Variants in LAMA1 observed in about 807,000 individuals in gnomAD.
LAMA1 encodes the protein laminin subunit alpha-1.
LAMA1 carries 219 observed loss-of-function variants against 348.7 expected under a neutral mutation model. The observed-to-expected ratio is 0.63, with a 90% CI of 0.56 to 0.70. The LOEUF (loss-of-function observed/expected upper bound fraction) is 0.70. Among genes scored for constraint, LAMA1 ranks in the 30% least tolerant of loss-of-function variants. LAMA1 has a pLI of 0.00. For missense variants in LAMA1, 3,744 were observed against 3,888.0 expected, an observed-to-expected ratio of 0.96 and a Z score of 0.99; for synonymous variants, 1,487 against 1,491.0, an observed-to-expected ratio of 1.00 and a Z score of 0.06.
Position 7,007,184 on chromosome 18 carries a change from G to A in LAMA1, c.4215C>T (p.Cys1405=), listed in dbSNP as rs758116385. 6.2e-7 allele frequency: 1 copy of A among 1,614,036 alleles called. No individual in the cohort carries two copies. The highest frequency in any genetic ancestry group is 8.5e-7 in the Non-Finnish European group (1 of 1,180,046). ...GGTCACAGGTGTCACTGTGGTTGTT[G>A]CAACTGCAGGGAACACAAGGAGCAA... ...PLVAPCVPCS[C]NNHSDTCDPN... is the part of the protein sequence containing the mutation. Residue 1405 remains cysteine, a synonymous_variant, in exon 29 of 63, where the codon TGC becomes TGT. Coordinates refer to ENST00000389658, the MANE Select transcript of LAMA1 (RefSeq NM_005559.4).
chr18:6,981,317 G>C (rs1396478383), intron 41 of LAMA1, among the ~76,000 whole-genome samples: 1 of 152,074 alleles, frequency 6.6e-6, no homozygotes, highest in South Asian at 2.1e-4. Context: ...TTCTCCTCTG[G>C]GTTGTAAAAC....
At position 6,950,902 on chromosome 18, in the gene LAMA1, G is replaced by C; in HGVS notation, c.8277C>G (p.Asn2759Lys). The C allele has an allele frequency of 6.2e-7, 1 of 1,614,174 alleles. No homozygotes were observed. The highest frequency in any genetic ancestry group is 1.1e-5 in the South Asian group (1 of 91,090). ...SGLIYYMAHQ[N>K]QADYAVLQLH... is the part of the protein sequence containing the mutation. ...GCTGGAGCACAGCGTAGTCTGCTTG[G>C]TTCTGATGAGCCATGTAGTAAATCA... Residue 2759 changes from asparagine (N) to lysine (K), a missense_variant, in exon 58 of 63, where the codon AAC becomes AAG. Coordinates refer to ENST00000389658, the MANE Select transcript of LAMA1 (RefSeq NM_005559.4).
intron 1 of LAMA1, among the ~76,000 whole-genome samples, chr18:7,098,694 A>C (rs1348549004): frequency 7.5e-5 from 11 of 147,124 alleles, no homozygotes; most frequent in East Asian, 6.3e-4. Context: ...TCCGCCCGGC[A>C]GCCACCCCAT....
rs1455070915 is a variant in LAMA1 at position 6,999,990 on chromosome 18, G to A, written c.4390C>T (p.Pro1464Ser). Residue 1464 changes from proline to serine, a missense_variant, in exon 31 of 63, where the codon CCC becomes TCC. Around this residue, in one of 3 missense-constraint regions of LAMA1, gnomAD observed 1,983 missense variants for 1,934.3 expected, o/e 1.03. Coordinates refer to ENST00000389658, the MANE Select transcript of LAMA1 (RefSeq NM_005559.4). ...TGGTCCCCTTCCAAGACACAAGTGG[G>A]ACTAAAACTGGAGGAAAAGAATTTC... is the stretch of plus-strand genomic sequence containing the variant. ...CPHSPPASFS[P>S]TCVLEGDHDF... 1.2e-6 allele frequency: 2 copies of A among 1,612,038 alleles called. No homozygotes were observed. Among genetic ancestry groups the A allele is most frequent in the Non-Finnish European group, 1.7e-6 (2 of 1,178,288 alleles).
intron 42 of LAMA1, among the ~76,000 whole-genome samples, chr18:6,979,208 T>C (rs1007634803): frequency 4.0e-5 from 6 of 151,808 alleles, no homozygotes; most frequent in Non-Finnish European, 7.4e-5. Context: ...AAAAAAAAAA[T>C]CTTCCGGATC....
chr18:7,053,780 ATTT>A (rs371341214), intron 3 of LAMA1, among the ~76,000 whole-genome samples: 27 of 138,250 alleles, frequency 2.0e-4, no homozygotes, highest in East Asian at 1.1e-3. Flanking sequence ...TCATTAGAGG[ATTT>A]TTTTTTTTTT....
chr18:7,114,026 G>A (rs1360632271), intron 1 of LAMA1, among the ~76,000 whole-genome samples: 5 of 148,060 alleles, frequency 3.4e-5, no homozygotes, highest in South Asian at 2.1e-4. Flanking sequence ...GCAGTGAGCC[G>A]AGATCGTGCC....
intron 33 of LAMA1, among the ~76,000 whole-genome samples, chr18:6,996,896 T>C (rs187513631): frequency 4.0e-4 from 61 of 152,290 alleles, no homozygotes; most frequent in African/African-American, 1.4e-3. Flanking sequence ...GCTCTGTTGA[T>C]GAAAACATAA....
At chr18:7,000,031 A>T (rs114439426) in intron 30 of LAMA1, 34 bp from the exon 31 acceptor site, 22,143 of 1,481,418 alleles carry the variant, frequency 0.015, 289 homozygotes, top group Middle Eastern at 0.045. Context: ...GAATTTTCAG[A>T]TATACAATTT....
At chr18:7,074,855 C>T (rs2058160299) in intron 3 of LAMA1, among the ~76,000 whole-genome samples, 1 of 41,376 alleles carries the variant, frequency 2.4e-5, no homozygotes, top group Non-Finnish European at 3.7e-5. Flanking sequence ...CTAAAATAAA[C>T]AGTAGTTAAA....
chr18:6,986,799 C>T (rs565228293), intron 36 of LAMA1, among the ~76,000 whole-genome samples: 1 of 152,210 alleles, frequency 6.6e-6, no homozygotes, highest in South Asian at 2.1e-4. Context: ...TGCTCTTGTC[C>T]CCTAGGTTTG....
chr18:7,002,526 C>T (rs1440824334), intron 29 of LAMA1, 141 bp from the exon 30 acceptor site: 16 of 938,944 alleles, frequency 1.7e-5, no homozygotes, highest in South Asian at 1.6e-4. Flanking sequence ...GCATTTTCCT[C>T]CATATTCTTA....
chr18:7,043,472 C>T, intron 7 of LAMA1, 67 bp from the exon 8 acceptor site: 1 of 1,273,862 alleles, frequency 7.9e-7, no homozygotes, highest in South Asian at 1.2e-5. Flanking sequence ...AAACTCTTAA[C>T]CTCCCTAAGT....
chr18:7,034,309 T>C (rs564298987), intron 14 of LAMA1, among the ~76,000 whole-genome samples, 170 bp downstream of exon 14: 3 of 152,370 alleles, frequency 2.0e-5, no homozygotes, highest in African/African-American at 7.2e-5. Context: ...TCTTACGTTT[T>C]CAATAAAATT....
At chr18:7,072,801 GC>G (rs924072240) in intron 3 of LAMA1, among the ~76,000 whole-genome samples, 3 of 152,150 alleles carry the variant, frequency 2.0e-5, no homozygotes, top group Non-Finnish European at 4.4e-5. Context: ...TGCCAGCCCA[GC>G]TTTGGATGCT....
chr18:7,003,255 G>GTT (rs5822938), intron 29 of LAMA1, among the ~76,000 whole-genome samples: 6 of 140,734 alleles, frequency 4.3e-5, no homozygotes, highest in Middle Eastern at 3.6e-3. Context: ...TATTTTGGTT[G>GTT]TTTTTTTTTT....
intron 37 of LAMA1, 98 bp from the exon 38 acceptor site, chr18:6,985,741 TCAC>T: frequency 1.2e-5 from 8 of 660,458 alleles, no homozygotes; most frequent in African/African-American, 8.2e-5. Flanking sequence ...TGCATGGGAC[TCAC>T]TTTTATTTTA....
chr18:7,031,986 T>A (rs1294262069), intron 16 of LAMA1, 80 bp downstream of exon 16: 5 of 1,117,208 alleles, frequency 4.5e-6, no homozygotes, highest in Non-Finnish European at 6.6e-6. Context: ...GAGGAAGCAC[T>A]TAAAAAAAAA....
In LAMA1 at chr18:7,056,396, GAACT is replaced by G. The variant is rs1336679043; in HGVS notation, c.346-5464_346-5461del. 2.6e-5 allele frequency among the ~76,000 whole-genome samples: 4 copies of G among 152,288 alleles called. No individual in the cohort carries two copies. The South Asian group carries it at 8.3e-4, about 32-fold the overall frequency. On this transcript the variant is annotated intron_variant, in intron 3 of 62. Transcript: ENST00000389658. Reference sequence around the variant, plus strand: ...CCAGTTTCACACTTGAATATGGAAAGAACTAACAAGTTTACCACGTGCGTGTTAA... The same window carrying G: ...CCAGTTTCACACTTGAATATGGAAAGAACAAGTTTACCACGTGCGTGTTAA...
Sources: gnomAD v4.1 joint callset for allele counts (sites outside exome capture counted in the v4.1 genomes callset) on GRCh38, gnomAD v4.1.1 for gene constraint, gnomAD v4.1.1 regional missense constraint, MANE v1.5 for transcripts, NCBI Gene and HGNC (gene_info 2026-07-23, HGNC 2026-07-21) for gene names.